Variants in ANKRD30A observed in about 807,000 individuals in gnomAD.
ANKRD30A encodes the protein ankyrin repeat domain 30A.
Under a neutral mutation model 166.3 loss-of-function variants are expected in ANKRD30A, and 170 were observed. The observed-to-expected ratio is 1.02, with a 90% CI of 0.90 to 1.16. The LOEUF (loss-of-function observed/expected upper bound fraction) is 1.16, where lower values mean the gene tolerates loss of function less well. Ranked by LOEUF, ANKRD30A falls within the 50% of genes most tolerant of loss-of-function variation. The pLI is 0.00. For missense variants in ANKRD30A, 1,630 were observed against 1,518.0 expected, an observed-to-expected ratio of 1.07 and a Z score of -1.23; for synonymous variants, 564 against 508.9, an observed-to-expected ratio of 1.11 and a Z score of -1.46.
intron 4 of ANKRD30A, 108 bp downstream of exon 4, chr10:37,132,454 G>T: frequency 1.6e-6 from 1 of 634,122 alleles, no homozygotes; most frequent in Non-Finnish European, 2.5e-6. Flanking sequence ...TAGATTATGT[G>T]AAAATATCAA....
chr10:37,220,011 AT>A, intron 34 of ANKRD30A, 114 bp downstream of exon 34: 1 of 173,158 alleles, frequency 5.8e-6, no homozygotes, highest in Non-Finnish European at 1.1e-5. Flanking sequence ...ATATATATAT[AT>A]ATATATATAT....
the ANKRD30A span, among the ~76,000 whole-genome samples, chr10:37,247,910 T>C: frequency 0.015 from 2,241 of 149,286 alleles, 45 homozygotes; most frequent in East Asian, 0.095. Context: ...AAAAAATAAC[T>C]AATGAATACT....
the ANKRD30A span, among the ~76,000 whole-genome samples, chr10:37,265,403 A>G: frequency 5.9e-5 from 9 of 152,234 alleles, no homozygotes; most frequent in South Asian, 1.9e-3. Flanking sequence ...TTAGACCCCA[A>G]AAACAGGCTG....
chr10:37,232,672 AT>A (rs1843474380), downstream of ANKRD30A: 1 of 7,102 alleles, frequency 1.4e-4, no homozygotes, highest in Admixed American at 3.4e-3. Context: ...ATATATATAT[AT>A]ATATATATAT....
At chr10:37,154,745 T>C (rs1838234639) in intron 13 of ANKRD30A, among the ~76,000 whole-genome samples, 1 of 152,092 alleles carries the variant, frequency 6.6e-6, no homozygotes, top group African/African-American at 2.4e-5. Flanking sequence ...TTTTGGATTT[T>C]CTATGAATGA....
At position 37,138,770 on chromosome 10, in the gene ANKRD30A, C is replaced by T. The variant is rs201013352; in HGVS notation, c.820+2099C>T. Among the ~76,000 whole-genome samples the T allele has an allele frequency of 3.9e-4, 60 of 152,248 alleles. No individual in the cohort carries two copies. In the East Asian group the frequency reaches 9.3e-3, roughly 24 times the overall value. On this transcript the variant is annotated intron_variant, in intron 6 of 35. Coordinates refer to ENST00000361713, the MANE Select transcript of ANKRD30A (RefSeq NM_052997.3). ...ATCTGATTGGTGTACCTGAAAGTGA[C>T]GGGGAGAATGGAACCAAGTTGGAAA...
intron 31 of ANKRD30A, among the ~76,000 whole-genome samples, chr10:37,206,448 T>C (rs1842001181): frequency 6.6e-6 from 1 of 152,214 alleles, no homozygotes; most frequent in Admixed American, 6.5e-5. Flanking sequence ...TGAGATAAAT[T>C]TGAATATGAA....
At chr10:37,235,765 C>CTTTT (rs947216787), downstream of ANKRD30A, among the ~76,000 whole-genome samples, 5 of 114,938 alleles carry the variant, frequency 4.4e-5, no homozygotes, top group Admixed American at 8.9e-5. Flanking sequence ...ATTTCATTCT[C>CTTTT]TTTTTTTTTT....
At chr10:37,242,174 C>T in the ANKRD30A span, 2 of 152,098 alleles carry the variant, frequency 1.3e-5, no homozygotes, top group African/African-American at 2.4e-5. Context: ...ATATTCATGA[C>T]GTTGAATCTT....
chr10:37,162,767 C>A lies in ANKRD30A; in HGVS notation c.1930-9C>A, dbSNP rs778099308. The A allele has an allele frequency of 1.7e-5, 28 of 1,613,540 alleles. No individual in the cohort carries two copies. The East Asian group carries it at 6.2e-4, about 36-fold the overall frequency. On this transcript the variant is annotated splice_polypyrimidine_tract_variant and intron_variant, in intron 16 of 35. Coordinates refer to ENST00000361713, the MANE Select transcript of ANKRD30A (RefSeq NM_052997.3). ...CTTTATTAATCATTTTGCTTCCAAC[C>A]CCATTTAGCCTGCCACTGAAATGCA...
Position 37,150,602 on chromosome 10 carries a change from G to T in ANKRD30A, c.1645+753G>T, listed in dbSNP as rs1441546598. On this transcript the variant is annotated intron_variant, in intron 11 of 35. Coordinates refer to ENST00000361713, the MANE Select transcript of ANKRD30A (RefSeq NM_052997.3). ...TTCAACTTCTAATGCATACATGGTTGTACGGTGTAATGTTCAGAAACATTC... is the reference window on the plus strand; with the variant it reads ...TTCAACTTCTAATGCATACATGGTTTTACGGTGTAATGTTCAGAAACATTC... 2.0e-5 allele frequency among the ~76,000 whole-genome samples: 3 copies of T among 152,070 alleles called. No homozygotes were observed. The East Asian group carries it at 5.8e-4, about 29-fold the overall frequency.
chr10:37,213,622 G>T (rs558883500), intron 31 of ANKRD30A, among the ~76,000 whole-genome samples: 117 of 138,978 alleles, frequency 8.4e-4, no homozygotes, highest in African/African-American at 3.1e-3. Flanking sequence ...GTCTTCTAAT[G>T]TAGACATTCA....
Position 37,130,389 on chromosome 10 carries a change from A to G in ANKRD30A, c.510+11A>G, listed in dbSNP as rs1836312518. ...GAAGTGCACAACAAGGTAGACACTA[A>G]CCAATGTTATTTTCAAAATATTTGA... is the stretch of plus-strand genomic sequence containing the variant. On this transcript the variant is annotated intron_variant, in intron 3 of 35. Coordinates refer to ENST00000361713, the MANE Select transcript of ANKRD30A (RefSeq NM_052997.3). 2 of 1,415,258 alleles carry G rather than the reference A, an allele frequency of 1.4e-6. No individual in the cohort carries two copies. The highest frequency in any genetic ancestry group is 1.8e-5 in the South Asian group (1 of 54,980). The allele number at this position is 1,415,258 out of a possible 1,614,324, so 87.7% of individuals were successfully genotyped here. A position where few individuals can be genotyped will look rare whatever the true frequency, so the allele number is the denominator to read the frequency against.
intron 29 of ANKRD30A, 110 bp downstream of exon 29, chr10:37,197,590 A>G: frequency 1.3e-6 from 2 of 1,517,440 alleles, no homozygotes; most frequent in Non-Finnish European, 1.8e-6. Context: ...ATAAGTTTTG[A>G]TCTAGGTAAT....
chr10:37,244,412 A>G, the ANKRD30A span, among the ~76,000 whole-genome samples: 1 of 152,232 alleles, frequency 6.6e-6, no homozygotes, highest in East Asian at 1.9e-4. Flanking sequence ...AAGAAACCCC[A>G]TACAGACATA....
At chr10:37,234,312 A>G (rs1002812451), downstream of ANKRD30A, among the ~76,000 whole-genome samples, 1 of 152,172 alleles carries the variant, frequency 6.6e-6, no homozygotes, top group African/African-American at 2.4e-5. Context: ...TCTTTAAAAA[A>G]TTATATTATA....
intron 8 of ANKRD30A, among the ~76,000 whole-genome samples, chr10:37,146,177 A>T (rs1837497636): frequency 6.6e-6 from 1 of 152,270 alleles, no homozygotes; most frequent in African/African-American, 2.4e-5. Flanking sequence ...AGACTTTCTA[A>T]TACTTGATTG....
intron 24 of ANKRD30A, among the ~76,000 whole-genome samples, chr10:37,184,094 C>G (rs1482467514): frequency 6.6e-6 from 1 of 151,028 alleles, no homozygotes; most frequent in Non-Finnish European, 1.5e-5. Flanking sequence ...AAAGGAGAGG[C>G]CTTTCATGGG....
intron 31 of ANKRD30A, among the ~76,000 whole-genome samples, chr10:37,212,112 A>T (rs1842360166): frequency 6.6e-6 from 1 of 152,054 alleles, no homozygotes; most frequent in African/African-American, 2.4e-5. Flanking sequence ...TTGTATATCT[A>T]GAAAACCCCA....
Sources: gnomAD v4.1 joint callset for allele counts (sites outside exome capture counted in the v4.1 genomes callset) on GRCh38, gnomAD v4.1.1 for gene constraint, MANE v1.5 for transcripts, NCBI Gene and HGNC (gene_info 2026-07-23, HGNC 2026-07-21) for gene names.